APC2: variants seen among roughly 807,000 people sequenced by gnomAD.
APC2 encodes APC regulator of Wnt signaling pathway 2.
Under a neutral mutation model 72.5 loss-of-function variants are expected in APC2, and 41 were observed. The ratio of observed to expected loss-of-function variants is 0.57; its 90% CI spans 0.44 to 0.73. APC2 has a LOEUF of 0.73. APC2 is among the 30% of genes least tolerant of loss of function. The pLI is 0.00. For synonymous variants in APC2, 1,898 were observed against 1,612.0 expected (o/e 1.18, Z -4.25); for missense variants, 3,729 against 3,403.4 (o/e 1.10, Z -2.38).
In APC2 at chr19:1,469,473, C is replaced by G. The variant is rs891637453; in HGVS notation, c.6172C>G (p.Arg2058Gly). The G allele has an allele frequency of 4.5e-6, 5 of 1,117,068 alleles. No homozygotes were observed. Among genetic ancestry groups the G allele is most frequent in the East Asian group, 6.0e-5 (1 of 16,798 alleles). The allele number at this position is 1,117,068 out of a possible 1,614,324, so 69.2% of individuals were successfully genotyped here. ...ACCCCGGCAGGGCCCGGCCCCGGCC[C>G]GGCAGCGGCCCCCCGCGGCCCGACC... is the stretch of plus-strand genomic sequence containing the variant. The part of the protein sequence containing the change: ...AAPRQGPAPA[R>G]QRPPAARPSP... The change falls in exon 15 of 15, where the codon CGG (arginine) becomes GGG (glycine). Residue 2058 changes from arginine to glycine, a missense_variant. Coordinates refer to ENST00000590469, the MANE Select transcript of APC2 (RefSeq NM_005883.3).
At chr19:1,448,024 A>G (rs191940209), upstream of APC2, among the ~76,000 whole-genome samples, 2 of 152,192 alleles carry the variant, frequency 1.3e-5, no homozygotes, top group Admixed American at 1.3e-4. Context: ...AGTAAACAAG[A>G]CTGGAAACCG....
chr19:1,457,295 G>A lies in APC2; in HGVS notation c.1207+52G>A, dbSNP rs1039372689. 5 of 1,468,812 alleles carry A rather than the reference G, an allele frequency of 3.4e-6. No homozygotes were observed. The African/African-American group carries it at 7.4e-5, about 22-fold the overall frequency. 91.0% of individuals were successfully genotyped at this position (1,468,812 alleles called of 1,614,324 possible). A position where few individuals can be genotyped will look rare whatever the true frequency, so the allele number is the denominator to read the frequency against. On this transcript the variant is annotated intron_variant, in intron 9 of 14. Coordinates refer to ENST00000590469, the MANE Select transcript of APC2 (RefSeq NM_005883.3). Reference sequence around the variant, plus strand: ...TCCGCGCAATTAACGTGCAGCTAGGGCTTCCCGGGGGATGGGCGACTAGGA... The same window carrying A: ...TCCGCGCAATTAACGTGCAGCTAGGACTTCCCGGGGGATGGGCGACTAGGA...
In APC2 at chr19:1,466,119, G is replaced by A. The variant is rs1372061396; in HGVS notation, c.2818G>A (p.Glu940Lys). The change falls in exon 15 of 15, where the codon GAA becomes AAA. Residue 940 changes from glutamate (E) to lysine (K), a missense_variant. Coordinates refer to ENST00000590469, the MANE Select transcript of APC2 (RefSeq NM_005883.3). ...GSASDGYCPR[E>K]HMLPCPLAAL... ...TGCCAGCGACGGGTACTGCCCACGC[G>A]AACATATGCTGCCCTGCCCGCTGGC... The A allele has an allele frequency of 4.5e-6, 7 of 1,564,456 alleles. No homozygotes were observed. Among genetic ancestry groups the A allele is most frequent in the East Asian group, 4.8e-5 (2 of 41,924 alleles).
At chr19:1,454,740 C>T (rs148124788) in intron 4 of APC2, among the ~76,000 whole-genome samples, 2,464 of 151,868 alleles carry the variant, frequency 0.016, 69 homozygotes, top group African/African-American at 0.051. Context: ...ATTTTGTTTT[C>T]GTATTGTTAG....
chr19:1,466,604 G>A lies in APC2; in HGVS notation c.3303G>A (p.Glu1101=), dbSNP rs1401049749. 2 of 1,548,792 alleles carry A rather than the reference G, an allele frequency of 1.3e-6. No individual in the cohort carries two copies. Among genetic ancestry groups the A allele is most frequent in the Non-Finnish European group, 8.7e-7 (1 of 1,153,056 alleles). ...DDSDSSLEGL[E]EAGPSEAELD... The stretch of plus-strand genomic sequence containing the variant: ...GTGACTCCTCCCTGGAGGGGCTGGA[G>A]GAGGCCGGCCCCAGCGAGGCTGAGC... The change falls in exon 15 of 15, where the codon GAG becomes GAA. Residue 1101 remains glutamate, a synonymous_variant. Transcript: ENST00000590469.
rs1055395523 is a variant in APC2, at chr19:1,466,485, G to A, written c.3184G>A (p.Glu1062Lys). 6.3e-6 allele frequency: 10 copies of A among 1,597,802 alleles called. No homozygotes were observed. Among genetic ancestry groups the A allele is most frequent in the Non-Finnish European group, 8.5e-6 (10 of 1,179,478 alleles). Residue 1062 changes from glutamate to lysine, a missense_variant, in exon 15 of 15, where the codon GAG (glutamate) becomes AAG (lysine). Transcript: ENST00000590469. ...GGCACTGCAGAAACTGGCGGCGCAA[G>A]AGGGGCCACTCTCGCTGTCCCGATG... ...SKALQKLAAQ[E>K]GPLSLSRCSS...
In APC2 at chr19:1,468,529, G is replaced by A. The variant is rs753275392; in HGVS notation, c.5228G>A (p.Gly1743Glu). 1.9e-6 allele frequency: 3 copies of A among 1,602,772 alleles called. No individual in the cohort carries two copies. Among genetic ancestry groups the A allele is most frequent in the South Asian group, 1.1e-5 (1 of 90,470 alleles). ...PKHRKGRQAEGEMGSARRPEK... is the reference protein window; with the variant it reads ...PKHRKGRQAEEEMGSARRPEK... ...CACAGGAAGGGACGACAGGCGGAGG[G>A]AGAAATGGGCAGTGCCCGGCGGCCA... The change falls in exon 15 of 15, where the codon GGA becomes GAA. Residue 1743 changes from glycine (G) to glutamate (E), a missense_variant. Gly to Glu is a moderately conservative substitution (Grantham distance 98). Transcript: ENST00000590469.
At position 1,469,609 on chromosome 19, in the gene APC2, C is replaced by T. The variant is rs1473273500; in HGVS notation, c.6308C>T (p.Pro2103Leu). 2 of 1,258,744 alleles carry T rather than the reference C, an allele frequency of 1.6e-6. No individual in the cohort carries two copies. Among genetic ancestry groups the T allele is most frequent in the African/African-American group, 1.6e-5 (1 of 62,814 alleles). The allele number at this position is 1,258,744 out of a possible 1,614,324, so 78.0% of individuals were successfully genotyped here. The change falls in exon 15 of 15, where the codon CCG becomes CTG. Residue 2103 changes from proline (P) to leucine (L), a missense_variant. Physicochemically the swap from Pro to Leu is moderately conservative, Grantham distance 98. Coordinates refer to ENST00000590469, the MANE Select transcript of APC2 (RefSeq NM_005883.3). ...PETVKRYASL[P>L]HISVARRPDG... ...ACTGTCAAGCGCTACGCGTCGCTGC[C>T]GCACATCAGCGTGGCCCGCAGGCCC... is the stretch of plus-strand genomic sequence containing the variant.
intron 9 of APC2, 150 bp downstream of exon 9, chr19:1,457,393 C>A (rs958443016): frequency 2.3e-5 from 27 of 1,197,106 alleles, no homozygotes; most frequent in Non-Finnish European, 3.0e-5. Context: ...CCTGTGGGGG[C>A]ATTTGACGTT....
rs2084111792 is a variant in APC2 at position 1,470,221 on chromosome 19, G to A, written c.*8G>A. 6.3e-7 allele frequency: 1 copy of A among 1,578,598 alleles called. No homozygotes were observed. Among genetic ancestry groups the A allele is most frequent in the Non-Finnish European group, 8.6e-7 (1 of 1,164,994 alleles). ...GCCACCCTCCTGGAATAGTGGCCTA[G>A]GCCGGCCTTCTGGAACGTTCTCTCC... On this transcript the variant is annotated 3_prime_UTR_variant, in exon 15 of 15. Transcript: ENST00000590469.
At chr19:1,450,606 G>C (rs1351689024) in intron 1 of APC2, among the ~76,000 whole-genome samples, 1 of 152,224 alleles carries the variant, frequency 6.6e-6, no homozygotes, top group African/African-American at 2.4e-5. Context: ...TGTGTCTTCG[G>C]GGGTGTTGCT....
At position 1,467,884 on chromosome 19, in the gene APC2, G is replaced by A. The variant is rs201831670; in HGVS notation, c.4583G>A (p.Arg1528Gln). Residue 1528 changes from arginine (R) to glutamine (Q), a missense_variant, in exon 15 of 15, where the codon CGG becomes CAG. Coordinates refer to ENST00000590469, the MANE Select transcript of APC2 (RefSeq NM_005883.3). ...GCGGCCGCGCCCACGCCAACCCACC[G>A]GCGCACATCGGCCATCCCTCGCGCT... ...PPAAAPTPTHRRTSAIPRAFT... is the reference protein window; with the variant it reads ...PPAAAPTPTHQRTSAIPRAFT... 64 of 1,577,164 alleles carry A rather than the reference G, an allele frequency of 4.1e-5. 1 individual carries two copies. In the East Asian group the frequency reaches 1.4e-3, roughly 34 times the overall value.
Position 1,468,258 on chromosome 19 carries a change from C to G in APC2, c.4957C>G (p.Arg1653Gly), listed in dbSNP as rs747709330. 1.8e-4 allele frequency: 269 copies of G among 1,524,358 alleles called. No individual in the cohort carries two copies. Among genetic ancestry groups the G allele is most frequent in the Non-Finnish European group, 2.8e-5 (32 of 1,138,732 alleles). 94.4% of individuals were successfully genotyped at this position (1,524,358 alleles called of 1,614,324 possible). ...GTCTGGCCTGCGGCGCCGCAAGCCC[C>G]GAGCCACCCGGCTGGATGAGCGGCC... ...PVSGLRRRKP[R>G]ATRLDERPAE... Residue 1653 changes from arginine (R) to glycine (G), a missense_variant, in exon 15 of 15, where the codon CGA becomes GGA. Coordinates refer to ENST00000590469, the MANE Select transcript of APC2 (RefSeq NM_005883.3).
chr19:1,457,017 G>T lies in APC2; in HGVS notation c.981G>T (p.Ala327=). 4 of 1,528,132 alleles carry T rather than the reference G, an allele frequency of 2.6e-6. No individual in the cohort carries two copies. In the Middle Eastern group the frequency reaches 5.5e-4, roughly 210 times the overall value. 94.7% of individuals were successfully genotyped at this position (1,528,132 alleles called of 1,614,324 possible). A position where few individuals can be genotyped will look rare whatever the true frequency, so the allele number is the denominator to read the frequency against. ...AAATCCTCCACGGCACCGAGGCCGC[G>T]GCCGGGGGTCGCGCCGGGGCCCCAG... ...LLQILHGTEA[A]AGGRAGAPGA... Residue 327 remains alanine (A), a synonymous_variant, in exon 9 of 15, where the codon GCG becomes GCT. Transcript: ENST00000590469.
Position 1,465,695 on chromosome 19 carries a change from C to T in APC2, c.2394C>T (p.Ser798=), listed in dbSNP as rs1238762912. 1 of 1,587,396 alleles carries T rather than the reference C, an allele frequency of 6.3e-7. No homozygotes were observed. Residue 798 remains serine (S), a synonymous_variant, in exon 15 of 15, where the codon AGC becomes AGT. Transcript: ENST00000590469. The part of the protein sequence containing the change: ...AAAAATGEPA[S]PAALSLFLGS... ...CCGCGGCCACCGGGGAGCCAGCCAG[C>T]CCTGCCGCGCTGTCCCTCTTCCTGG...
At chr19:1,458,437 TA>T in intron 10 of APC2, 1 of 199,922 alleles carries the variant, frequency 5.0e-6, no homozygotes, top group Non-Finnish European at 1.0e-5. Context: ...TTTGTCAATA[TA>T]AAAAGTAATT....
In APC2 at chr19:1,453,551, A is replaced by C; in HGVS notation, c.353A>C (p.Asp118Ala). The part of the protein sequence containing the change: ...SPVHGSGPSK[D>A]SFGELSRATI... ...GTACACGGCTCCGGGCCCTCCAAGG[A>C]CAGCTTTGGGGAGCTGAGCCGGGCC... The change falls in exon 4 of 15, where the codon GAC (aspartate) becomes GCC (alanine). Residue 118 changes from aspartate to alanine, a missense_variant. Asp to Ala is a moderately radical substitution (Grantham distance 126, BLOSUM62 -2). Transcript: ENST00000590469. The C allele has an allele frequency of 1.2e-6, 2 of 1,611,510 alleles. No homozygotes were observed. Among genetic ancestry groups the C allele is most frequent in the Middle Eastern group, 1.7e-4 (1 of 6,056 alleles).
intron 13 of APC2, 41 bp downstream of exon 13, chr19:1,461,194 T>C: frequency 2.0e-6 from 3 of 1,535,698 alleles, no homozygotes; most frequent in South Asian, 1.1e-5. Context: ...CTTCAGTCAC[T>C]GGAAGGAGAC....
upstream of APC2, chr19:1,446,360 G>A (rs770879815): frequency 3.1e-5 from 31 of 985,318 alleles, no homozygotes; most frequent in Non-Finnish European, 3.6e-5. This position sits in a 1 kb window ranked among gnomAD's most constrained non-coding sequence, Gnocchi z 6.1. Context: ...CGTGGGTCGA[G>A]CCGTTGGGGA....
Sources: gnomAD v4.1 joint callset for allele counts (sites outside exome capture counted in the v4.1 genomes callset) on GRCh38, gnomAD v4.1.1 for gene constraint, Gnocchi (gnomAD v3.1) non-coding constraint, MANE v1.5 for transcripts, NCBI Gene and HGNC (gene_info 2026-07-23, HGNC 2026-07-21) for gene names.